ZNRF1: variants seen among roughly 807,000 people sequenced by gnomAD.
ZNRF1 encodes the protein zinc and ring finger 1.
Under a neutral mutation model 18.4 loss-of-function variants are expected in ZNRF1, and 3 were observed. That is an observed-to-expected ratio of 0.16 (90% CI 0.07 to 0.42). The LOEUF (loss-of-function observed/expected upper bound fraction) is 0.42, where lower values mean the gene tolerates loss of function less well. Among genes scored for constraint, ZNRF1 ranks in the 10% least tolerant of loss-of-function variants. ZNRF1 has a pLI of 0.99. For synonymous variants in ZNRF1, 157 were observed against 144.2 expected (o/e 1.09, Z -0.64); for missense variants, 310 against 329.8 (o/e 0.94, Z 0.47).
chr16:75,097,185 T>C (rs1466595912), intron 2 of ZNRF1, among the ~76,000 whole-genome samples: 1 of 152,186 alleles, frequency 6.6e-6, no homozygotes, highest in Non-Finnish European at 1.5e-5. Flanking sequence ...CCCTAAAGAA[T>C]ACGCATTCAA....
chr16:75,037,332 C>CT (rs148129043), intron 1 of ZNRF1, among the ~76,000 whole-genome samples: 1 of 151,982 alleles, frequency 6.6e-6, no homozygotes, highest in Non-Finnish European at 1.5e-5. Context: ...GGTCTTCACT[C>CT]TTTTGTTTTT....
chr16:75,004,582 G>A (rs1180004262), intron 1 of ZNRF1, among the ~76,000 whole-genome samples: 1 of 152,160 alleles, frequency 6.6e-6, no homozygotes, highest in Non-Finnish European at 1.5e-5. Context: ...GCCATCAACT[G>A]AGACTGATAC....
intron 2 of ZNRF1, among the ~76,000 whole-genome samples, chr16:75,097,949 G>A (rs1049876735): frequency 1.3e-5 from 2 of 152,248 alleles, no homozygotes; most frequent in African/African-American, 2.4e-5. Context: ...AGACCCTGTG[G>A]TCAGAATGAA....
intron 1 of ZNRF1, among the ~76,000 whole-genome samples, chr16:75,053,724 T>C (rs2035634949): frequency 6.6e-6 from 1 of 151,722 alleles, no homozygotes; most frequent in East Asian, 1.9e-4. Flanking sequence ...ATAAGCAGAG[T>C]GGACTCACAT....
intron 1 of ZNRF1, among the ~76,000 whole-genome samples, chr16:75,032,104 G>GTTTTTTT (rs1162819265): frequency 1.9e-4 from 21 of 108,654 alleles, no homozygotes; most frequent in African/African-American, 5.5e-4. Flanking sequence ...TTCTTGTGAG[G>GTTTTTTT]TTTTTTTTTT....
At chr16:75,060,953 C>T (rs1047569238) in intron 1 of ZNRF1, among the ~76,000 whole-genome samples, 5 of 152,102 alleles carry the variant, frequency 3.3e-5, no homozygotes, top group Admixed American at 1.3e-4. Flanking sequence ...GGTGACTCCC[C>T]TTCAGGGGAC....
At chr16:75,051,537 G>GGC (rs1355499621) in intron 1 of ZNRF1, among the ~76,000 whole-genome samples, 7 of 146,952 alleles carry the variant, frequency 4.8e-5, no homozygotes, top group African/African-American at 1.0e-4. Context: ...TTTTTGGGGG[G>GGC]GACGGAGTCT....
At chr16:75,054,401 G>A (rs1253589034) in intron 1 of ZNRF1, among the ~76,000 whole-genome samples, 1 of 152,248 alleles carries the variant, frequency 6.6e-6, no homozygotes, top group Admixed American at 6.5e-5. Flanking sequence ...CACCCTGCCA[G>A]TTCTGTCTGC....
At chr16:75,047,993 C>A (rs946774593) in intron 1 of ZNRF1, among the ~76,000 whole-genome samples, 8 of 151,756 alleles carry the variant, frequency 5.3e-5, no homozygotes, top group Non-Finnish European at 1.2e-4. Flanking sequence ...GCTTTGTTGC[C>A]TAGGTTAGCA....
intron 1 of ZNRF1, among the ~76,000 whole-genome samples, chr16:75,079,771 A>G (rs1438994985): frequency 6.6e-6 from 1 of 152,234 alleles, no homozygotes; most frequent in African/African-American, 2.4e-5. Flanking sequence ...TCCAGCCTCC[A>G]TCTACCTGTG....
chr16:75,029,852 T>G (rs576294275), intron 1 of ZNRF1, among the ~76,000 whole-genome samples: 14 of 152,122 alleles, frequency 9.2e-5, no homozygotes, highest in African/African-American at 3.4e-4. Flanking sequence ...CTGGCCAACA[T>G]TGTGAAAACC....
intron 1 of ZNRF1, among the ~76,000 whole-genome samples, chr16:75,023,745 A>G (rs967605876): frequency 6.6e-5 from 10 of 151,944 alleles, no homozygotes; most frequent in African/African-American, 1.4e-4. Context: ...CCAACAAGCT[A>G]TGTAGGAGGG....
chr16:75,026,141 A>G (rs574179613), intron 1 of ZNRF1, among the ~76,000 whole-genome samples: 1 of 152,366 alleles, frequency 6.6e-6, no homozygotes, highest in South Asian at 2.1e-4. Flanking sequence ...AGTGATCTGC[A>G]GAATAATCAA....
intron 1 of ZNRF1, among the ~76,000 whole-genome samples, chr16:75,026,596 T>A (rs2035227027): frequency 6.6e-6 from 1 of 152,120 alleles, no homozygotes; most frequent in African/African-American, 2.4e-5. Flanking sequence ...TCTTGGTTAT[T>A]AAAAAAATAT....
chr16:75,073,818 G>C (rs13337868), intron 1 of ZNRF1, among the ~76,000 whole-genome samples: 19,270 of 151,980 alleles, frequency 0.13, 2,109 homozygotes, highest in East Asian at 0.58. Flanking sequence ...ATTGACCTGT[G>C]TGAGGATTTC....
At chr16:75,025,303 T>C (rs1162733596) in intron 1 of ZNRF1, among the ~76,000 whole-genome samples, 1 of 152,038 alleles carries the variant, frequency 6.6e-6, no homozygotes, top group African/African-American at 2.4e-5. Context: ...CTCCTGACCT[T>C]GTGATCCGCC....
At chr16:75,098,824 TC>T (rs1296555294) in intron 2 of ZNRF1, among the ~76,000 whole-genome samples, 1 of 152,214 alleles carries the variant, frequency 6.6e-6, no homozygotes, top group Non-Finnish European at 1.5e-5. Flanking sequence ...GGGCTTTCCC[TC>T]CCAGCCAGGT....
At chr16:75,016,699 C>CTT (rs35899706) in intron 1 of ZNRF1, among the ~76,000 whole-genome samples, 7,075 of 99,458 alleles carry the variant, frequency 0.071, 1,256 homozygotes, top group African/African-American at 0.26. Flanking sequence ...CCATGCCTGG[C>CTT]TTTTTTTTTT....
At chr16:75,024,623 G>A (rs1597864324) in intron 1 of ZNRF1, among the ~76,000 whole-genome samples, 1 of 152,210 alleles carries the variant, frequency 6.6e-6, no homozygotes, top group East Asian at 1.9e-4. Context: ...GGTTTAGAAA[G>A]AGGCAGCATT....
Sources: allele counts gnomAD v4.1 joint callset (sites outside exome capture counted in the v4.1 genomes callset), GRCh38; gene constraint gnomAD v4.1.1; transcripts MANE v1.5; gene names NCBI Gene and HGNC (gene_info 2026-07-23, HGNC 2026-07-21).